KIAA1328: variants seen among roughly 807,000 people sequenced by gnomAD.
KIAA1328 encodes protein hinderin.
A neutral mutation model predicts 68.1 loss-of-function variants in KIAA1328; 52 were observed. That is an observed-to-expected ratio of 0.76 (90% CI 0.61 to 0.96). KIAA1328 has a LOEUF of 0.96. Among genes scored for constraint, KIAA1328 ranks in the 40% least tolerant of loss-of-function variants. The pLI, the probability that KIAA1328 is intolerant of heterozygous loss-of-function variation, is 0.00. For synonymous variants in KIAA1328, 232 were observed against 239.4 expected (o/e 0.97, Z 0.28); for missense variants, 641 against 677.6 (o/e 0.95, Z 0.60).
Position 37,160,375 on chromosome 18 carries a change from C to T in KIAA1328, c.1408C>T (p.Gln470Ter), listed in dbSNP as rs1480029148. ...SCQKKDTCRP[Q>*]RGTVTGVRKD... The stretch of plus-strand genomic sequence containing the variant: ...TCAAAAGAAAGATACATGTAGACCC[C>T]AAAGAGGTAAGTTTAACAACTGTAG... The change falls in exon 8 of 10, where the codon CAA (glutamine) becomes TAA (stop). Residue 470 changes from glutamine (Q) to a stop codon, truncating the protein, a stop_gained. Coordinates refer to ENST00000280020, the MANE Select transcript of KIAA1328 (RefSeq NM_020776.3). LOFTEE classifies it high-confidence loss of function. The T allele has an allele frequency of 1.9e-6, 3 of 1,611,156 alleles. No individual in the cohort carries two copies. Among genetic ancestry groups the T allele is most frequent in the Non-Finnish European group, 2.5e-6 (3 of 1,178,616 alleles).
chr18:37,191,242 T>G (rs946691510), intron 9 of KIAA1328, among the ~76,000 whole-genome samples: 13 of 152,216 alleles, frequency 8.5e-5, no homozygotes, highest in African/African-American at 3.1e-4. Context: ...ATTTCTTCTT[T>G]TTTTAAATTT....
chr18:37,042,097 C>T (rs1000322327), intron 6 of KIAA1328, among the ~76,000 whole-genome samples: 6 of 151,838 alleles, frequency 4.0e-5, no homozygotes, highest in East Asian at 1.9e-4. Flanking sequence ...AGGTTTTCAC[C>T]GTGTTGCCCA....
intron 6 of KIAA1328, among the ~76,000 whole-genome samples, chr18:37,066,008 A>C (rs2056324870): frequency 1.3e-5 from 2 of 152,226 alleles, no homozygotes; most frequent in Non-Finnish European, 2.9e-5. Flanking sequence ...GATCAGCAAC[A>C]TGAGCAAATT....
intron 5 of KIAA1328, among the ~76,000 whole-genome samples, chr18:36,886,928 G>A (rs2048521175): frequency 6.6e-6 from 1 of 152,108 alleles, no homozygotes; most frequent in Non-Finnish European, 1.5e-5. Flanking sequence ...ACAGAGTCCT[G>A]AACTTTTATT....
chr18:36,876,246 A>G (rs2048120788), intron 4 of KIAA1328, among the ~76,000 whole-genome samples: 1 of 152,106 alleles, frequency 6.6e-6, no homozygotes, highest in African/African-American at 2.4e-5. Flanking sequence ...GAATGGTACC[A>G]GCTCCTCTTT....
intron 7 of KIAA1328, among the ~76,000 whole-genome samples, chr18:37,151,711 A>T (rs922920847): frequency 6.6e-6 from 1 of 152,184 alleles, no homozygotes; most frequent in Non-Finnish European, 1.5e-5. Flanking sequence ...TGCTAGAAAT[A>T]TTGGATACAA....
At chr18:36,841,369 G>C (rs1377704635) in intron 3 of KIAA1328, among the ~76,000 whole-genome samples, 1 of 151,352 alleles carries the variant, frequency 6.6e-6, no homozygotes, top group African/African-American at 2.4e-5. Flanking sequence ...CCAATAGATG[G>C]TGTTGGGCCC....
chr18:36,852,131 G>C (rs2150845760), intron 4 of KIAA1328, among the ~76,000 whole-genome samples: 1 of 152,078 alleles, frequency 6.6e-6, no homozygotes, highest in Middle Eastern at 3.4e-3. Context: ...ATTCTATTGT[G>C]GTGGAAAAGG....
Position 37,174,380 on chromosome 18 carries a change from C to CTT in KIAA1328, c.1523+1319_1523+1320dup, listed in dbSNP as rs757197220. Among the ~76,000 whole-genome samples, 216 of 120,612 alleles carry CTT rather than the reference C, an allele frequency of 1.8e-3. 2 individuals carry two copies. The highest frequency in any genetic ancestry group is 4.0e-3 in the African/African-American group (130 of 32,416). The allele number at this position is 120,612 out of a possible 152,430, so 79.1% of individuals were successfully genotyped here. On this transcript the variant is annotated intron_variant, in intron 9 of 9. Transcript: ENST00000280020. ...TCCTTTCACTGTTGCTGCTTTCTTCCTTTTTTTTTTTTTTTTTTTTTGAGA... is the reference window on the plus strand; with the variant it reads ...TCCTTTCACTGTTGCTGCTTTCTTCCTTTTTTTTTTTTTTTTTTTTTTTGAGA...
chr18:36,941,439 A>T (rs1203972445), intron 5 of KIAA1328, among the ~76,000 whole-genome samples: 1 of 152,014 alleles, frequency 6.6e-6, no homozygotes, highest in East Asian at 1.9e-4. Flanking sequence ...AACCTAAAAT[A>T]CAAAAACCAG....
At chr18:36,912,101 T>G (rs2151074051) in intron 5 of KIAA1328, among the ~76,000 whole-genome samples, 1 of 152,312 alleles carries the variant, frequency 6.6e-6, no homozygotes, top group East Asian at 1.9e-4. Context: ...AATCTTCAAG[T>G]TAAAATTTTC....
At chr18:37,089,489 T>C (rs1395066777) in intron 7 of KIAA1328, among the ~76,000 whole-genome samples, 1 of 151,590 alleles carries the variant, frequency 6.6e-6, no homozygotes, top group Admixed American at 6.6e-5. Flanking sequence ...ATTCTCCTGT[T>C]TTGGCCTCCC....
chr18:37,152,398 A>T (rs1230291614), intron 7 of KIAA1328, among the ~76,000 whole-genome samples: 1 of 152,158 alleles, frequency 6.6e-6, no homozygotes, highest in Non-Finnish European at 1.5e-5. Flanking sequence ...TCCAGATGAT[A>T]AGGGTCTAAA....
chr18:37,095,478 G>A (rs2057379005), intron 7 of KIAA1328, among the ~76,000 whole-genome samples: 1 of 152,056 alleles, frequency 6.6e-6, no homozygotes, highest in South Asian at 2.1e-4. Flanking sequence ...GCTCCCAAAT[G>A]GCCATTGTGT....
chr18:37,050,351 A>T (rs1463295562), intron 6 of KIAA1328, among the ~76,000 whole-genome samples: 1 of 152,122 alleles, frequency 6.6e-6, no homozygotes, highest in East Asian at 1.9e-4. Flanking sequence ...TTTTTATTTT[A>T]TACCTCTGAA....
intron 7 of KIAA1328, among the ~76,000 whole-genome samples, chr18:37,103,255 A>G (rs1457997524): frequency 1.3e-5 from 2 of 152,216 alleles, no homozygotes; most frequent in Non-Finnish European, 2.9e-5. Context: ...ACTTCAAGGT[A>G]TATTAGAAAG....
chr18:37,011,824 G>A (rs2053990069), intron 6 of KIAA1328, among the ~76,000 whole-genome samples: 1 of 152,106 alleles, frequency 6.6e-6, no homozygotes, highest in African/African-American at 2.4e-5. Context: ...TTACACAGGA[G>A]CATGGGTAAT....
Position 37,000,267 on chromosome 18 carries a change from C to A in KIAA1328, c.576+40832C>A, listed in dbSNP as rs528034247. Among the ~76,000 whole-genome samples the A allele has an allele frequency of 2.0e-5, 3 of 152,194 alleles. No homozygotes were observed. In the South Asian group the frequency reaches 6.2e-4, roughly 32 times the overall value. Reference sequence around the variant, plus strand: ...AATAGTAATAAAAGACAAAGAAGGTCTTTTTATAATCATAAAAGGATCAAT... The same window carrying A: ...AATAGTAATAAAAGACAAAGAAGGTATTTTTATAATCATAAAAGGATCAAT... On this transcript the variant is annotated intron_variant, in intron 6 of 9. Coordinates refer to ENST00000280020, the MANE Select transcript of KIAA1328 (RefSeq NM_020776.3).
chr18:36,829,689 T>C (rs1248361887), intron 1 of KIAA1328, among the ~76,000 whole-genome samples: 3 of 152,220 alleles, frequency 2.0e-5, no homozygotes, highest in African/African-American at 7.2e-5. Flanking sequence ...CCAGTGATGA[T>C]GTATTTTAAT....
Sources: allele counts gnomAD v4.1 joint callset (sites outside exome capture counted in the v4.1 genomes callset), GRCh38; gene constraint gnomAD v4.1.1; transcripts MANE v1.5; gene names NCBI Gene and HGNC (gene_info 2026-07-23, HGNC 2026-07-21).